ETV6: variants seen among roughly 807,000 people sequenced by gnomAD.
ETV6 encodes the protein transcription factor ETV6.
ETV6 carries 16 observed loss-of-function variants against 51.1 expected under a neutral mutation model. The ratio of observed to expected loss-of-function variants is 0.31; its 90% CI spans 0.21 to 0.48. ETV6 has a LOEUF of 0.48. Among genes scored for constraint, ETV6 ranks in the 20% least tolerant of loss-of-function variants. ETV6 has a pLI of 0.99. For missense variants in ETV6, 458 were observed against 594.8 expected (o/e 0.77, Z 2.39); for synonymous variants, 240 against 224.1 (o/e 1.07, Z -0.64).
intron 2 of ETV6, among the ~76,000 whole-genome samples, chr12:11,770,906 A>G (rs1945234144): frequency 6.6e-6 from 1 of 152,090 alleles, no homozygotes; most frequent in African/African-American, 2.4e-5. Flanking sequence ...TCTCTTAAAA[A>G]AAAAAAGGAA....
chr12:11,712,623 T>C (rs1001919974), intron 1 of ETV6, among the ~76,000 whole-genome samples: 2 of 152,196 alleles, frequency 1.3e-5, no homozygotes, highest in Non-Finnish European at 2.9e-5. Flanking sequence ...GATGTTGCAG[T>C]CAGGAGGCTG....
At chr12:11,821,784 G>A (rs991051583) in intron 2 of ETV6, among the ~76,000 whole-genome samples, 1 of 152,144 alleles carries the variant, frequency 6.6e-6, no homozygotes, top group Non-Finnish European at 1.5e-5. Flanking sequence ...AGGCTGCAGT[G>A]AACCATGATC....
chr12:11,783,762 C>T (rs1159362781), intron 2 of ETV6, among the ~76,000 whole-genome samples: 1 of 152,168 alleles, frequency 6.6e-6, no homozygotes, highest in African/African-American at 2.4e-5. Flanking sequence ...TGTGTGTGAA[C>T]ATAAGACAGT....
In ETV6 at chr12:11,878,155, G is replaced by A. The variant is rs115062457; in HGVS notation, c.1010-6290G>A. On this transcript the variant is annotated intron_variant, in intron 5 of 7. Coordinates refer to ENST00000396373, the MANE Select transcript of ETV6 (RefSeq NM_001987.5). ...GGATGAATAAGATGAGCACTGGGGA[G>A]GGGAGGAGCCATCACTCCAGCAGGA... Among the ~76,000 whole-genome samples, 739 of 152,300 alleles carry A rather than the reference G, an allele frequency of 4.9e-3. 13 individuals are homozygous for A. The highest frequency in any genetic ancestry group is 0.016 in the African/African-American group (678 of 41,560).
chr12:11,789,056 A>G (rs1018136948), intron 2 of ETV6, among the ~76,000 whole-genome samples: 3 of 152,096 alleles, frequency 2.0e-5, no homozygotes, highest in African/African-American at 7.2e-5. Context: ...GTTTTGAGAC[A>G]GAGGCTCACA....
At chr12:11,693,147 T>TAA (rs1338214099) in intron 1 of ETV6, among the ~76,000 whole-genome samples, 1 of 152,164 alleles carries the variant, frequency 6.6e-6, no homozygotes, top group Non-Finnish European at 1.5e-5. Context: ...AGAGAAGACT[T>TAA]ACGGTGGTGG....
At chr12:11,720,294 C>A (rs1403880229) in intron 1 of ETV6, among the ~76,000 whole-genome samples, 14 of 152,252 alleles carry the variant, frequency 9.2e-5, no homozygotes, top group Non-Finnish European at 1.5e-5. Flanking sequence ...AGTAAGAAAC[C>A]ATTGAGACTG....
chr12:11,865,357 C>A (rs530303717), intron 4 of ETV6, among the ~76,000 whole-genome samples: 6 of 151,718 alleles, frequency 4.0e-5, no homozygotes, highest in African/African-American at 1.2e-4. Context: ...TCGGTATCAT[C>A]AAATAATCTG....
intron 1 of ETV6, among the ~76,000 whole-genome samples, chr12:11,742,683 A>G (rs927031746): frequency 6.6e-6 from 1 of 152,188 alleles, no homozygotes; most frequent in African/African-American, 2.4e-5. Context: ...TAAAAAAGTA[A>G]TGTTTAATTT....
chr12:11,710,991 G>GGA (rs754151389), intron 1 of ETV6, among the ~76,000 whole-genome samples: 3 of 152,200 alleles, frequency 2.0e-5, no homozygotes, highest in Non-Finnish European at 4.4e-5. Context: ...GCCTTAGCTT[G>GGA]GAGGGTCAGA....
intron 2 of ETV6, among the ~76,000 whole-genome samples, chr12:11,790,415 G>A (rs75626209): frequency 0.018 from 2,718 of 152,150 alleles, 80 homozygotes; most frequent in African/African-American, 0.062. Flanking sequence ...CTCTAGGGTG[G>A]CCTGCCCACA....
chr12:11,770,166 A>G (rs189391733), intron 2 of ETV6, among the ~76,000 whole-genome samples: 193 of 152,268 alleles, frequency 1.3e-3, no homozygotes, highest in African/African-American at 4.2e-3. Flanking sequence ...GCAAGGAAAC[A>G]GCTCTGGGGA....
At chr12:11,709,861 T>C (rs971124374) in intron 1 of ETV6, among the ~76,000 whole-genome samples, 3 of 152,146 alleles carry the variant, frequency 2.0e-5, no homozygotes, top group African/African-American at 7.2e-5. Context: ...ATCTTGCAGA[T>C]TTTGGGCTTG....
intron 1 of ETV6, among the ~76,000 whole-genome samples, chr12:11,673,318 G>C (rs1373635146): frequency 3.3e-5 from 5 of 152,178 alleles, no homozygotes; most frequent in Non-Finnish European, 4.4e-5. Flanking sequence ...TGTCCATGAA[G>C]AAGAAAATCT....
At chr12:11,789,244 G>A (rs1005996274) in intron 2 of ETV6, among the ~76,000 whole-genome samples, 3 of 152,122 alleles carry the variant, frequency 2.0e-5, no homozygotes, top group Admixed American at 2.0e-4. Flanking sequence ...ATGTTGGCCA[G>A]GCTAGTCTCA....
intron 1 of ETV6, among the ~76,000 whole-genome samples, chr12:11,689,683 G>A (rs1326641804): frequency 6.6e-6 from 1 of 151,972 alleles, no homozygotes; most frequent in Non-Finnish European, 1.5e-5. Context: ...GGATGTTTGG[G>A]GAAGCGGGAG....
chr12:11,662,228 T>A (rs767007529), intron 1 of ETV6, among the ~76,000 whole-genome samples: 2 of 152,064 alleles, frequency 1.3e-5, no homozygotes, highest in Non-Finnish European at 2.9e-5. Context: ...CTGGGAGAGA[T>A]GTGGGATAAG....
intron 3 of ETV6, among the ~76,000 whole-genome samples, chr12:11,850,535 A>T (rs1296441653): frequency 1.3e-5 from 2 of 152,288 alleles, no homozygotes; most frequent in East Asian, 1.9e-4. Flanking sequence ...AATAGTAATG[A>T]TGGGAGTGTT....
chr12:11,868,191 A>G (rs988850082), intron 4 of ETV6, among the ~76,000 whole-genome samples: 5 of 152,156 alleles, frequency 3.3e-5, no homozygotes, highest in Non-Finnish European at 7.3e-5. Flanking sequence ...TGCTTAGAGC[A>G]GGTTTTGGTG....
Sources: allele counts gnomAD v4.1 joint callset (sites outside exome capture counted in the v4.1 genomes callset), GRCh38; gene constraint gnomAD v4.1.1; transcripts MANE v1.5; gene names NCBI Gene and HGNC (gene_info 2026-07-23, HGNC 2026-07-21).